The following DHX35 variants were observed in gnomAD, a reference collection of about 807,000 sequenced individuals.
The protein encoded by DHX35 is DEAH-box helicase 35, also known as probable ATP-dependent RNA helicase DHX35.
DHX35 carries 84 observed loss-of-function variants against 99.6 expected under a neutral mutation model. That is an observed-to-expected ratio of 0.84 (90% CI 0.71 to 1.01). The LOEUF (loss-of-function observed/expected upper bound fraction) is 1.01, where lower values mean the gene tolerates loss of function less well. Ranked by LOEUF, DHX35 falls within the 50% of genes least tolerant of loss-of-function variation. The probability of loss-of-function intolerance (pLI) is 0.00; values close to 1 mark genes in which losing one functional copy is unlikely to be tolerated. For synonymous variants in DHX35, 331 were observed against 316.2 expected (o/e 1.05, Z -0.50); for missense variants, 852 against 888.5 (o/e 0.96, Z 0.52).
chr20:38,977,598 A>G (rs2086101359), intron 3 of DHX35: 1 of 305,392 alleles, frequency 3.3e-6, no homozygotes. Context: ...TAAAAATGAA[A>G]CAGGCATTTT....
chr20:39,026,292 T>C (rs1214886400), intron 18 of DHX35, among the ~76,000 whole-genome samples: 2 of 152,218 alleles, frequency 1.3e-5, no homozygotes, highest in African/African-American at 4.8e-5. Flanking sequence ...AGAGGTAAAA[T>C]GTAACTTGCT....
intron 9 of DHX35, 141 bp downstream of exon 9, chr20:39,001,983 C>T (rs1035972133): frequency 4.0e-6 from 3 of 747,250 alleles, no homozygotes; most frequent in Non-Finnish European, 7.0e-6. Context: ...CTAGAATGTT[C>T]TTACCCTGCT....
chr20:39,025,276 AG>A lies in DHX35; in HGVS notation c.1721del (p.Gly574ValfsTer8). 2 of 1,613,626 alleles carry A rather than the reference AG, an allele frequency of 1.2e-6. No homozygotes were observed. The highest frequency in any genetic ancestry group is 1.7e-6 in the Non-Finnish European group (2 of 1,179,752). On this transcript the variant is annotated frameshift_variant, in exon 18 of 22. Coordinates refer to ENST00000252011, the MANE Select transcript of DHX35 (RefSeq NM_021931.4). LOFTEE classifies it high-confidence loss of function. The part of the protein sequence containing the change: ...KWCQEHFLNY[K>X]GLVRAATVRE... ...TGTCAGGAACATTTCCTGAATTACA[AG>A]GGTCTTGTCAGAGCTGCGACTGTAA...
intron 16 of DHX35, among the ~76,000 whole-genome samples, chr20:39,023,419 A>G (rs1253181784): frequency 6.6e-6 from 1 of 151,744 alleles, no homozygotes; most frequent in Non-Finnish European, 1.5e-5. Context: ...CCTTGGTTGG[A>G]GCGCAGTGGT....
At position 39,014,926 on chromosome 20, in the gene DHX35, C is replaced by T. The variant is rs779739930; in HGVS notation, c.1394C>T (p.Ala465Val). 1 of 1,614,142 alleles carries T rather than the reference C, an allele frequency of 6.2e-7. No homozygotes were observed. The highest frequency in any genetic ancestry group is 1.1e-5 in the South Asian group (1 of 91,084). The part of the protein sequence containing the change: ...SMVQALELLY[A>V]LGGLDKDCRL... ...GTTCAAGCCTTGGAGTTACTGTATG[C>T]TCTGGGAGGTATGCCAGTTTCTCTC... Residue 465 changes from alanine (A) to valine (V), a missense_variant, in exon 14 of 22, where the codon GCT becomes GTT. Transcript: ENST00000252011.
chr20:39,028,168 G>A (rs1451653804), intron 18 of DHX35, among the ~76,000 whole-genome samples: 1 of 152,182 alleles, frequency 6.6e-6, no homozygotes, highest in African/African-American at 2.4e-5. Flanking sequence ...GGAGGTTGGA[G>A]GGGTCCCAGG....
At chr20:39,019,499 C>T (rs2086839425) in intron 15 of DHX35, among the ~76,000 whole-genome samples, 1 of 152,128 alleles carries the variant, frequency 6.6e-6, no homozygotes, top group South Asian at 2.1e-4. Context: ...TTTTGAGTCC[C>T]TGCTTTTATG....
chr20:39,010,389 G>A lies in DHX35; in HGVS notation c.1332G>A (p.Arg444=). ...CACTAGGAATTGACAATGTCCTCAGGTTCCACTTCATGTCGGTAAGTCCTG... is the reference window on the plus strand; with the variant it reads ...CACTAGGAATTGACAATGTCCTCAGATTCCACTTCATGTCGGTAAGTCCTG... The part of the protein sequence containing the change: ...LKALGIDNVL[R]FHFMSPPPAQ... The change falls in exon 13 of 22, where the codon AGG becomes AGA. Residue 444 remains arginine, a synonymous_variant. Coordinates refer to ENST00000252011, the MANE Select transcript of DHX35 (RefSeq NM_021931.4). The A allele has an allele frequency of 6.2e-7, 1 of 1,614,112 alleles. No homozygotes were observed. The highest frequency in any genetic ancestry group is 1.1e-5 in the South Asian group (1 of 91,078).
intron 3 of DHX35, chr20:38,977,841 T>A: frequency 1.8e-6 from 1 of 559,452 alleles, no homozygotes; most frequent in Non-Finnish European, 3.5e-6. Context: ...TCCATTCTGA[T>A]TTGACTTTTG....
chr20:39,025,935 G>A (rs1600445924), intron 18 of DHX35, among the ~76,000 whole-genome samples: 1 of 152,086 alleles, frequency 6.6e-6, no homozygotes, highest in Non-Finnish European at 1.5e-5. Flanking sequence ...GTGAGGTGTC[G>A]GTAATGTTAT....
At chr20:38,966,561 C>T (rs1029680944) in intron 1 of DHX35, among the ~76,000 whole-genome samples, 24 of 152,134 alleles carry the variant, frequency 1.6e-4, no homozygotes, top group South Asian at 2.1e-4. Context: ...CCCAGCTACT[C>T]GGGATGCCCA....
intron 16 of DHX35, 87 bp from the exon 17 acceptor site, chr20:39,023,603 T>C (rs921302039): frequency 1.2e-5 from 16 of 1,297,140 alleles, no homozygotes; most frequent in Non-Finnish European, 1.8e-5. Flanking sequence ...TCCTCCCACC[T>C]TAGCCTCACC....
At chr20:38,988,986 T>G in intron 5 of DHX35, 69 bp downstream of exon 5, 1 of 1,567,544 alleles carries the variant, frequency 6.4e-7, no homozygotes, top group Non-Finnish European at 8.7e-7. Flanking sequence ...ATTAAAAACA[T>G]GTAGTCCTTG....
intron 3 of DHX35, among the ~76,000 whole-genome samples, chr20:38,980,427 G>A (rs191778406): frequency 6.5e-4 from 99 of 151,686 alleles, no homozygotes; most frequent in African/African-American, 2.3e-3. Context: ...GGATTAAATG[G>A]GTCAATGCAT....
chr20:39,021,952 C>T lies in DHX35; in HGVS notation c.1593+17C>T, dbSNP rs2086879583. The T allele has an allele frequency of 1.2e-6, 2 of 1,612,012 alleles. No homozygotes were observed. Among genetic ancestry groups the T allele is most frequent in the East Asian group, 4.5e-5 (2 of 44,866 alleles). On this transcript the variant is annotated intron_variant, in intron 16 of 21. Transcript: ENST00000252011. Reference sequence around the variant, plus strand: ...TCTCACGCAGTAAGTCAGCTCTGTCCCCAGGCTGTCTGTACCAGTCTCTTT... The same window carrying T: ...TCTCACGCAGTAAGTCAGCTCTGTCTCCAGGCTGTCTGTACCAGTCTCTTT...
At chr20:39,028,842 C>T (rs961909205) in intron 19 of DHX35, among the ~76,000 whole-genome samples, 14 of 152,114 alleles carry the variant, frequency 9.2e-5, no homozygotes, top group African/African-American at 3.4e-4. Context: ...TTACAATTGG[C>T]TAGTTTATTA....
chr20:39,007,780 C>T (rs575685939), intron 12 of DHX35, among the ~76,000 whole-genome samples: 4 of 152,258 alleles, frequency 2.6e-5, no homozygotes, highest in Admixed American at 2.6e-4. Flanking sequence ...GGACCAAGGG[C>T]AACCACTGAA....
intron 8 of DHX35, among the ~76,000 whole-genome samples, chr20:38,999,895 C>T (rs979087975): frequency 2.6e-5 from 4 of 152,200 alleles, no homozygotes; most frequent in Non-Finnish European, 5.9e-5. Flanking sequence ...ACTTGGGTCC[C>T]TTCAGAGTTA....
rs1405689181 is a variant in DHX35, at chr20:38,999,742, G to C, written c.643-1988G>C. On this transcript the variant is annotated intron_variant, in intron 8 of 21. Coordinates refer to ENST00000252011, the MANE Select transcript of DHX35 (RefSeq NM_021931.4). Reference sequence around the variant, plus strand: ...TTATGATAGCTTCATTAATTAGTTTGTTTGCCTCGAATCTCTTATTTCCTC... The same window carrying C: ...TTATGATAGCTTCATTAATTAGTTTCTTTGCCTCGAATCTCTTATTTCCTC... Among the ~76,000 whole-genome samples, 3 of 152,304 alleles carry C rather than the reference G, an allele frequency of 2.0e-5. No individual in the cohort carries two copies. In the East Asian group the frequency reaches 5.8e-4, roughly 29 times the overall value.
Sources: allele counts gnomAD v4.1 joint callset (sites outside exome capture counted in the v4.1 genomes callset), GRCh38; gene constraint gnomAD v4.1.1; transcripts MANE v1.5; gene names NCBI Gene and HGNC (gene_info 2026-07-23, HGNC 2026-07-21).